EPHA2: variants seen among roughly 807,000 people sequenced by gnomAD.
EPHA2 encodes the protein EPH receptor A2.
In EPHA2, 54 loss-of-function variants were observed where a neutral mutation model predicts 104.9. That is an observed-to-expected ratio of 0.51 (90% CI 0.41 to 0.65). The LOEUF (loss-of-function observed/expected upper bound fraction) is 0.65, where lower values mean the gene tolerates loss of function less well. EPHA2 is among the 30% of genes least tolerant of loss of function. The pLI is 0.00. For synonymous variants in EPHA2, 560 were observed against 559.1 expected (o/e 1.00, Z -0.02); for missense variants, 1,117 against 1,369.5 (o/e 0.82, Z 2.91).
At chr1:16,126,043 C>T (rs1478718112) in intron 16 of EPHA2, among the ~76,000 whole-genome samples, 1 of 152,130 alleles carries the variant, frequency 6.6e-6, no homozygotes, top group Admixed American at 6.5e-5. Context: ...CCTCAGTTTC[C>T]TCCCGTGTAA....
intron 3 of EPHA2, among the ~76,000 whole-genome samples, chr1:16,143,759 G>T (rs1029840373): frequency 1.3e-5 from 2 of 152,172 alleles, no homozygotes; most frequent in Non-Finnish European, 2.9e-5. Context: ...GCAGGTGACC[G>T]CAGGAACCAC....
rs951876068 is a variant in EPHA2 at position 16,128,070 on chromosome 1, G to A, written c.2825+1364C>T. Among the ~76,000 whole-genome samples, 1 of 152,198 alleles carries A rather than the reference G, an allele frequency of 6.6e-6. No individual in the cohort carries two copies. The highest frequency in any genetic ancestry group is 2.4e-5 in the African/African-American group (1 of 41,438). Reference sequence around the variant, plus strand: ...GAGAAAAGGAGGGGGCATTTGCACAGTGCTAGGGGAGGAAAGCAAGGGAGT... The same window carrying A: ...GAGAAAAGGAGGGGGCATTTGCACAATGCTAGGGGAGGAAAGCAAGGGAGT... On this transcript the variant is annotated intron_variant, in intron 16 of 16. Coordinates refer to ENST00000358432, the MANE Select transcript of EPHA2 (RefSeq NM_004431.5). This position sits in a 1 kb window ranked among gnomAD's most constrained non-coding sequence, Gnocchi z 4.7.
rs2124211575 is a variant in EPHA2, at chr1:16,134,585, C to A, written c.1583-18G>T. On this transcript the variant is annotated intron_variant, in intron 7 of 16. Coordinates refer to ENST00000358432, the MANE Select transcript of EPHA2 (RefSeq NM_004431.5). This position sits in a 1 kb window ranked among gnomAD's most constrained non-coding sequence, Gnocchi z 4.5. ...CTCCGGGGCTGGTGGAAGAAATCAG[C>A]TGATGACAAGGGAGTTCCCCCACAA... 3 of 1,613,174 alleles carry A rather than the reference C, an allele frequency of 1.9e-6. No individual in the cohort carries two copies. Among genetic ancestry groups the A allele is most frequent in the Non-Finnish European group, 2.5e-6 (3 of 1,179,528 alleles).
At position 16,130,451 on chromosome 1, in the gene EPHA2, G is replaced by A; in HGVS notation, c.2476-32C>T. On this transcript the variant is annotated intron_variant, in intron 14 of 16. Transcript: ENST00000358432. The surrounding 1 kb of genome is among the most constrained non-coding windows in gnomAD (Gnocchi z 4.5). ...GGGCACGAAGGTCAGGGGCGCTGTT[G>A]CAGAAAGCCACTGAAACCCTCTGCA... 1 of 1,522,810 alleles carries A rather than the reference G, an allele frequency of 6.6e-7. No individual in the cohort carries two copies. The highest frequency in any genetic ancestry group is 8.8e-7 in the Non-Finnish European group (1 of 1,133,350). 94.3% of individuals were successfully genotyped at this position (1,522,810 alleles called of 1,614,324 possible).
intron 5 of EPHA2, among the ~76,000 whole-genome samples, chr1:16,137,177 C>T (rs1280997030): frequency 6.6e-6 from 1 of 152,046 alleles, no homozygotes; most frequent in Non-Finnish European, 1.5e-5. Flanking sequence ...CCCACAGTCA[C>T]AGAGCTCAGA....
rs2124198428 is a variant in EPHA2 at position 16,131,590 on chromosome 1, A to T, written c.2475+131T>A. 2.2e-6 allele frequency: 3 copies of T among 1,361,170 alleles called. No individual in the cohort carries two copies. The highest frequency in any genetic ancestry group is 1.5e-5 in the African/African-American group (1 of 67,578). 84.3% of individuals were successfully genotyped at this position (1,361,170 alleles called of 1,614,324 possible). ...AGCAAAACTCCGTCTCCAAAAAAAA[A>T]AAATAAACATTTATGGAGCAAGCCT... On this transcript the variant is annotated intron_variant, in intron 14 of 16. Coordinates refer to ENST00000358432, the MANE Select transcript of EPHA2 (RefSeq NM_004431.5). This position sits in a 1 kb window ranked among gnomAD's most constrained non-coding sequence, Gnocchi z 5.2.
chr1:16,137,995 G>T lies in EPHA2; in HGVS notation c.1170C>A (p.His390Gln). The change falls in exon 5 of 17, where the codon CAC becomes CAA. Residue 390 changes from histidine (H) to glutamine (Q), a missense_variant. Physicochemically the swap from His to Gln is conservative, Grantham distance 24 (BLOSUM62 0). Coordinates refer to ENST00000358432, the MANE Select transcript of EPHA2 (RefSeq NM_004431.5). ...EASVRYSEPP[H>Q]GLTRTSVTVS... is the part of the protein sequence containing the mutation. Reference sequence around the variant, plus strand: ...CTGTCACACTGGTGCGGGTCAGTCCGTGAGGAGGCTCCGAGTAGCGCACAC... The same window carrying T: ...CTGTCACACTGGTGCGGGTCAGTCCTTGAGGAGGCTCCGAGTAGCGCACAC... 1 of 1,614,066 alleles carries T rather than the reference G, an allele frequency of 6.2e-7. No individual in the cohort carries two copies. The highest frequency in any genetic ancestry group is 1.6e-4 in the Middle Eastern group (1 of 6,062).
Position 16,134,464 on chromosome 1 carries a change from G to A in EPHA2, c.1682+4C>T, listed in dbSNP as rs770748340. On this transcript the variant is annotated splice_donor_region_variant and intron_variant, in intron 8 of 16. Transcript: ENST00000358432. The surrounding 1 kb of genome is among the most constrained non-coding windows in gnomAD (Gnocchi z 4.5). Reference sequence around the variant, plus strand: ...GTGGAGCCAGGGTATGGGCTCTGACGAACCTGCGGTGGATAAAGAAGCCAA... The same window carrying A: ...GTGGAGCCAGGGTATGGGCTCTGACAAACCTGCGGTGGATAAAGAAGCCAA... The A allele has an allele frequency of 2.9e-5, 47 of 1,613,820 alleles. No homozygotes were observed. The highest frequency in any genetic ancestry group is 3.3e-5 in the Non-Finnish European group (39 of 1,179,958).
At position 16,148,382 on chromosome 1, in the gene EPHA2, G is replaced by A. The variant is rs2124259976; in HGVS notation, c.819C>T (p.Cys273=). ...QAGYEKVEDA[C]QACSPGFFKF... is the part of the protein sequence containing the mutation. The stretch of plus-strand genomic sequence containing the variant: ...CAACCCAGAACCGTCACTCACCCTG[G>A]CAGGCATCCTCCACCTTCTCGTAGC... Residue 273 remains cysteine (C), a synonymous_variant, in exon 3 of 17, where the codon TGC becomes TGT. Coordinates refer to ENST00000358432, the MANE Select transcript of EPHA2 (RefSeq NM_004431.5). This position sits in a 1 kb window ranked among gnomAD's most constrained non-coding sequence, Gnocchi z 4.9. 6.2e-7 allele frequency: 1 copy of A among 1,613,560 alleles called. No homozygotes were observed. Among genetic ancestry groups the A allele is most frequent in the Non-Finnish European group, 8.5e-7 (1 of 1,180,028 alleles).
rs138156515 is a variant in EPHA2 at position 16,126,354 on chromosome 1, C to T, written c.2826-1034G>A. On this transcript the variant is annotated intron_variant, in intron 16 of 16. Transcript: ENST00000358432. ...AAACACCCAAGTTTTTATGGGCCGA[C>T]TTTTGGCTGTAAAGGGAGCTAATTA... is the stretch of plus-strand genomic sequence containing the variant. Among the ~76,000 whole-genome samples, 401 of 152,336 alleles carry T rather than the reference C, an allele frequency of 2.6e-3. 4 individuals are homozygous for T. The highest frequency in any genetic ancestry group is 9.0e-3 in the African/African-American group (376 of 41,562).
Position 16,138,118 on chromosome 1 carries a change from C to T in EPHA2, c.1047G>A (p.Thr349=), listed in dbSNP as rs374990703. The T allele has an allele frequency of 2.5e-5, 40 of 1,608,984 alleles. 1 individual carries two copies. Among genetic ancestry groups the T allele is most frequent in the South Asian group, 2.0e-4 (18 of 91,068 alleles). ...CGCGGCCCCCGCTGTCCTGAGGGGGCGTCCAGCGCAGCTCCACCTTGGCAC... is the reference window on the plus strand; with the variant it reads ...CGCGGCCCCCGCTGTCCTGAGGGGGTGTCCAGCGCAGCTCCACCTTGGCAC... The part of the protein sequence containing the change: ...GMGAKVELRW[T]PPQDSGGRED... Residue 349 remains threonine (T), a synonymous_variant, in exon 5 of 17, where the codon ACG becomes ACA. Coordinates refer to ENST00000358432, the MANE Select transcript of EPHA2 (RefSeq NM_004431.5).
chr1:16,146,822 C>T lies in EPHA2; in HGVS notation c.823+1556G>A, dbSNP rs547760455. On this transcript the variant is annotated intron_variant, in intron 3 of 16. Transcript: ENST00000358432. ...CAGTGTCCTCCAACCCTTCAACCCC[C>T]TCCAGGGGCTGCAGGATCCATGGCT... Among the ~76,000 whole-genome samples, 24 of 152,336 alleles carry T rather than the reference C, an allele frequency of 1.6e-4. 1 individual carries two copies. In the East Asian group the frequency reaches 4.2e-3, roughly 27 times the overall value.
rs1394333794 is a variant in EPHA2 at position 16,148,539 on chromosome 1, G to A, written c.662C>T (p.Pro221Leu). ...GGTGCCGGCCACAGTGGCCAGGGAAGGTGCATCAGAGCCGGCGATGGTCTC... is the reference window on the plus strand; with the variant it reads ...GGTGCCGGCCACAGTGGCCAGGGAAAGTGCATCAGAGCCGGCGATGGTCTC... ...FPETIAGSDA[P>L]SLATVAGTCV... The change falls in exon 3 of 17, where the codon CCT becomes CTT. Residue 221 changes from proline to leucine, a missense_variant. Pro to Leu is a moderately conservative substitution (Grantham distance 98). This residue lies in a region of EPHA2 where 664 missense variants were observed against 784.8 expected (regional missense o/e 0.85). Transcript: ENST00000358432. The surrounding 1 kb of genome is among the most constrained non-coding windows in gnomAD (Gnocchi z 4.9). 2 of 1,613,432 alleles carry A rather than the reference G, an allele frequency of 1.2e-6. No homozygotes were observed. Among genetic ancestry groups the A allele is most frequent in the Non-Finnish European group, 1.7e-6 (2 of 1,179,988 alleles).
intron 16 of EPHA2, among the ~76,000 whole-genome samples, chr1:16,127,868 G>A (rs1177005795): frequency 6.6e-6 from 1 of 152,186 alleles, no homozygotes; most frequent in Non-Finnish European, 1.5e-5. Flanking sequence ...GTCCCTGCTC[G>A]TGGGAAAGGA....
chr1:16,154,219 C>A (rs1484137731), intron 1 of EPHA2, among the ~76,000 whole-genome samples: 1 of 152,098 alleles, frequency 6.6e-6, no homozygotes, highest in Non-Finnish European at 1.5e-5. Flanking sequence ...CAACCACAGT[C>A]CCCCAGGAAG....
intron 3 of EPHA2, among the ~76,000 whole-genome samples, chr1:16,144,343 G>A (rs1346034694): frequency 1.3e-5 from 2 of 152,150 alleles, no homozygotes; most frequent in Non-Finnish European, 2.9e-5. Context: ...GGACTTCCCA[G>A]CAGGGGACAA....
At chr1:16,133,151 A>G (rs945157899) in intron 11 of EPHA2, 29 bp downstream of exon 11, 58 of 1,611,738 alleles carry the variant, frequency 3.6e-5, no homozygotes, top group African/African-American at 5.3e-5. Flanking sequence ...GCCCCTCTCC[A>G]CCCAGTGTGG....
intron 3 of EPHA2, among the ~76,000 whole-genome samples, chr1:16,146,857 G>A (rs1351501860): frequency 6.6e-6 from 1 of 152,208 alleles, no homozygotes; most frequent in African/African-American, 2.4e-5. Context: ...TAGAAAACAA[G>A]CATAAAGTCT....
At chr1:16,126,721 T>A (rs1566146) in intron 16 of EPHA2, among the ~76,000 whole-genome samples, 46,506 of 152,056 alleles carry the variant, frequency 0.31, 7,291 homozygotes, top group Middle Eastern at 0.35. Flanking sequence ...TGACCCCAGA[T>A]TCACTCGATT....
Sources: allele counts gnomAD v4.1 joint callset (sites outside exome capture counted in the v4.1 genomes callset), GRCh38; gene constraint gnomAD v4.1.1; regional missense constraint gnomAD v4.1.1; non-coding constraint Gnocchi (gnomAD v3.1); transcripts MANE v1.5; gene names NCBI Gene and HGNC (gene_info 2026-07-23, HGNC 2026-07-21).